Variants in CCDC148 observed in about 807,000 individuals in gnomAD.
The protein encoded by CCDC148 is coiled-coil domain containing 148.
CCDC148 carries 89 observed loss-of-function variants against 85.7 expected under a neutral mutation model. The observed-to-expected ratio is 1.04, with a 90% CI of 0.87 to 1.24. The LOEUF (loss-of-function observed/expected upper bound fraction) is 1.24, where lower values mean the gene tolerates loss of function less well. Ranked by LOEUF, CCDC148 falls within the 50% of genes most tolerant of loss-of-function variation. CCDC148 has a pLI of 0.00. For missense variants in CCDC148, 692 were observed against 671.7 expected (o/e 1.03, Z -0.33); for synonymous variants, 230 against 213.9 (o/e 1.08, Z -0.66).
rs561097304 is a variant in CCDC148 at position 158,298,176 on chromosome 2, C to A, written c.1110+11257G>T. Among the ~76,000 whole-genome samples, 10 of 152,226 alleles carry A rather than the reference C, an allele frequency of 6.6e-5. No individual in the cohort carries two copies. The South Asian group carries it at 2.1e-3, about 32-fold the overall frequency. On this transcript the variant is annotated intron_variant, in intron 9 of 13. Coordinates refer to ENST00000283233, the MANE Select transcript of CCDC148 (RefSeq NM_138803.4). ...AATAGGAGAACAGGATGGGGGAAAC[C>A]ACTCCTGTGATTCAATTATTTCCAC... is the stretch of plus-strand genomic sequence containing the variant.
rs761937278 is a variant in CCDC148, at chr2:158,309,631, G to A, written c.912C>T (p.His304=). 12 of 1,609,310 alleles carry A rather than the reference G, an allele frequency of 7.5e-6. No individual in the cohort carries two copies. Among genetic ancestry groups the A allele is most frequent in the Admixed American group, 3.4e-5 (2 of 59,694 alleles). Residue 304 remains histidine (H), a synonymous_variant, in exon 9 of 14, where the codon CAC becomes CAT. Coordinates refer to ENST00000283233, the MANE Select transcript of CCDC148 (RefSeq NM_138803.4). ...PHKSRHDLVE[H]EKYCDQYRFA... is the part of the protein sequence containing the mutation. ...AGCGATATTGGTCACAATATTTCTC[G>A]TGTTCAACCTGAAAAGATAACAGAG...
At chr2:158,424,905 A>C (rs1161325040) in intron 1 of CCDC148, 1 of 270,784 alleles carries the variant, frequency 3.7e-6, no homozygotes, top group Non-Finnish European at 7.4e-6. Context: ...AGAGCCAGTA[A>C]CGAAATTGTT....
intron 7 of CCDC148, among the ~76,000 whole-genome samples, chr2:158,324,748 T>A (rs1162320007): frequency 2.0e-5 from 3 of 152,106 alleles, no homozygotes; most frequent in East Asian, 3.8e-4. Flanking sequence ...AGGAAAAAAA[T>A]TGAGTATTTT....
intron 4 of CCDC148, 28 bp from the exon 5 acceptor site, chr2:158,340,421 G>A: frequency 6.2e-7 from 1 of 1,607,782 alleles, no homozygotes; most frequent in Non-Finnish European, 8.5e-7. Flanking sequence ...TGAATTAAAG[G>A]AACACATTAT....
At chr2:158,268,573 C>T (rs1158269732) in intron 9 of CCDC148, among the ~76,000 whole-genome samples, 1 of 152,122 alleles carries the variant, frequency 6.6e-6, no homozygotes, top group African/African-American at 2.4e-5. Flanking sequence ...ATCACCTCAC[C>T]TAGTAACCCT....
At chr2:158,424,117 T>C (rs1008685678) in intron 1 of CCDC148, among the ~76,000 whole-genome samples, 3 of 152,180 alleles carry the variant, frequency 2.0e-5, no homozygotes, top group African/African-American at 7.2e-5. Flanking sequence ...ATACTGTTGG[T>C]GGGACTGTAA....
At chr2:158,277,987 G>C (rs1690040981) in intron 9 of CCDC148, among the ~76,000 whole-genome samples, 1 of 152,190 alleles carries the variant, frequency 6.6e-6, no homozygotes, top group South Asian at 2.1e-4. Flanking sequence ...AATTTGACTA[G>C]CACCTGTGGT....
intron 2 of CCDC148, among the ~76,000 whole-genome samples, chr2:158,356,980 A>G (rs1436896301): frequency 6.7e-6 from 1 of 149,988 alleles, no homozygotes; most frequent in Non-Finnish European, 1.5e-5. Flanking sequence ...CTATCGCAAG[A>G]ACAAAAAACC....
At chr2:158,181,746 A>ATGAG (rs1684914716) in intron 11 of CCDC148, among the ~76,000 whole-genome samples, 1 of 152,112 alleles carries the variant, frequency 6.6e-6, no homozygotes, top group African/African-American at 2.4e-5. Context: ...ATAACCAAAA[A>ATGAG]TGAGCAAAAT....
intron 1 of CCDC148, among the ~76,000 whole-genome samples, chr2:158,427,199 A>G (rs1250264658): frequency 6.6e-6 from 1 of 152,232 alleles, no homozygotes; most frequent in Non-Finnish European, 1.5e-5. Flanking sequence ...AGATGAAATG[A>G]TAATGCACAT....
intron 1 of CCDC148, among the ~76,000 whole-genome samples, chr2:158,433,732 G>A (rs1238808570): frequency 2.0e-5 from 3 of 152,210 alleles, no homozygotes; most frequent in African/African-American, 7.2e-5. Flanking sequence ...GCCAAAGGAA[G>A]CTGTGACAGA....
At chr2:158,234,171 A>T (rs1687989649) in intron 10 of CCDC148, among the ~76,000 whole-genome samples, 1 of 151,904 alleles carries the variant, frequency 6.6e-6, no homozygotes, top group Non-Finnish European at 1.5e-5. Context: ...GCGAGACTCC[A>T]TCTCAAAAAA....
At chr2:158,290,203 C>G (rs1335713397) in intron 9 of CCDC148, among the ~76,000 whole-genome samples, 4 of 152,070 alleles carry the variant, frequency 2.6e-5, no homozygotes, top group Admixed American at 2.6e-4. Flanking sequence ...AAGCTGGGAG[C>G]ACCAAGACAA....
chr2:158,214,121 T>TAAAAAAAAAAAAAAAAAAAAAAAAAAA (rs70990697), intron 11 of CCDC148, among the ~76,000 whole-genome samples: 2 of 96,628 alleles, frequency 2.1e-5, no homozygotes, highest in Non-Finnish European at 4.0e-5. Flanking sequence ...AACATTGTGG[T>TAAAAAAAAAAAAAAAAAAAAAAAAAAA]AAAAAAAAAA....
At chr2:158,239,113 T>C (rs1328819792) in intron 10 of CCDC148, among the ~76,000 whole-genome samples, 2 of 152,270 alleles carry the variant, frequency 1.3e-5, no homozygotes, top group Non-Finnish European at 2.9e-5. Context: ...ACATAGCAAG[T>C]ACTGTTTAGG....
rs35809631 is a variant in CCDC148, at chr2:158,243,891, A to ATT, written c.1251+6879_1251+6880dup. On this transcript the variant is annotated intron_variant, in intron 10 of 13. Coordinates refer to ENST00000283233, the MANE Select transcript of CCDC148 (RefSeq NM_138803.4). The stretch of plus-strand genomic sequence containing the variant: ...AAAGAATCCAGGTGGCACCTTCAAC[A>ATT]TTTTTTTTTTTTGATATCTTAGTTC... 9.1e-3 allele frequency among the ~76,000 whole-genome samples: 1,355 copies of ATT among 148,132 alleles called. 22 individuals are homozygous for ATT. The highest frequency in any genetic ancestry group is 0.028 in the African/African-American group (1,143 of 40,632).
At chr2:158,346,375 C>T (rs995097729) in intron 2 of CCDC148, among the ~76,000 whole-genome samples, 3 of 152,212 alleles carry the variant, frequency 2.0e-5, no homozygotes, top group South Asian at 2.1e-4. Context: ...AGTTCCACTA[C>T]GGTTCCAACT....
At chr2:158,345,111 T>G in intron 3 of CCDC148, 104 bp downstream of exon 3, 2 of 729,188 alleles carry the variant, frequency 2.7e-6, no homozygotes, top group African/African-American at 3.7e-5. Context: ...CTTTAAATTT[T>G]TATTATAATG....
intron 1 of CCDC148, among the ~76,000 whole-genome samples, chr2:158,408,253 T>C (rs760450238): frequency 6.6e-6 from 1 of 152,162 alleles, no homozygotes; most frequent in Non-Finnish European, 1.5e-5. Context: ...ACACTTAATA[T>C]ATACCCTTTT....
Sources: gnomAD v4.1 joint callset for allele counts (sites outside exome capture counted in the v4.1 genomes callset) on GRCh38, gnomAD v4.1.1 for gene constraint, MANE v1.5 for transcripts, NCBI Gene and HGNC (gene_info 2026-07-23, HGNC 2026-07-21) for gene names.